Variants in DOCK1 observed in about 807,000 individuals in gnomAD.
The protein encoded by DOCK1 is dedicator of cytokinesis 1, also known as dedicator of cytokinesis protein 1.
DOCK1 carries 138 observed loss-of-function variants against 262.7 expected under a neutral mutation model. The ratio of observed to expected loss-of-function variants is 0.53; its 90% confidence interval spans 0.46 to 0.61. The LOEUF (loss-of-function observed/expected upper bound fraction) is 0.61, where lower values mean the gene tolerates loss of function less well. Ranked by LOEUF, DOCK1 falls within the 20% of genes least tolerant of loss-of-function variation. DOCK1 has a pLI of 0.00. For missense variants in DOCK1, 1,908 were observed against 2,370.7 expected, an observed-to-expected ratio of 0.80 and a Z score of 4.05; for synonymous variants, 866 against 867.4, an observed-to-expected ratio of 1.00 and a Z score of 0.03.
rs756065376 is a variant in DOCK1, at chr10:126,987,479, T to A, written c.228-42T>A. On this transcript the variant is annotated intron_variant, in intron 4 of 51. Transcript: ENST00000623213. ...ACCAGGTACTACTCATAGCAGGCAG[T>A]GAAACCGTGGACTCAGCTGCTCTTT... 39 of 1,513,406 alleles carry A rather than the reference T, an allele frequency of 2.6e-5. 1 individual carries two copies. The South Asian group carries it at 4.6e-4, about 18-fold the overall frequency. The allele number at this position is 1,513,406 out of a possible 1,614,324, so 93.7% of individuals were successfully genotyped here. A position where few individuals can be genotyped will look rare whatever the true frequency, so the allele number is the denominator to read the frequency against.
chr10:127,321,552 C>G (rs2062529040), intron 29 of DOCK1, among the ~76,000 whole-genome samples: 1 of 151,706 alleles, frequency 6.6e-6, no homozygotes, highest in Non-Finnish European at 1.5e-5. Flanking sequence ...CACCTGATCC[C>G]AGACCCCACT....
intron 35 of DOCK1, among the ~76,000 whole-genome samples, chr10:127,377,669 A>T (rs971219247): frequency 6.6e-6 from 1 of 152,040 alleles, no homozygotes; most frequent in Non-Finnish European, 1.5e-5. Context: ...AGGAGGGAGG[A>T]TCACTTGAGG....
rs72834661 is a variant in DOCK1 at position 127,072,125 on chromosome 10, G to A, written c.2445+10349G>A. On this transcript the variant is annotated intron_variant, in intron 23 of 51. Transcript: ENST00000623213. ...CCTGCTGCCAACATGCAAGGTGCCA[G>A]TGAGCCCCTTTCTCCTTCCTCCATC... 2.0e-3 allele frequency among the ~76,000 whole-genome samples: 304 copies of A among 152,336 alleles called. No individual in the cohort carries two copies. The Middle Eastern group carries it at 0.024, about 12-fold the overall frequency.
rs374342932 is a variant in DOCK1 at position 127,175,917 on chromosome 10, C to T, written c.2847+48153C>T. On this transcript the variant is annotated intron_variant, in intron 27 of 51. Transcript: ENST00000623213. This position sits in a 1 kb window ranked among gnomAD's most constrained non-coding sequence, Gnocchi z 6.3. ...GTGCACCCGCCCCGCGCCACATGGC[C>T]GGGCCTCCTCCATGGGTCCAGCCTC... 164 of 1,614,190 alleles carry T rather than the reference C, an allele frequency of 1.0e-4. 1 individual carries two copies. In the Middle Eastern group the frequency reaches 1.2e-3, roughly 11 times the overall value.
At chr10:126,928,099 C>T (rs1591345696) in intron 1 of DOCK1, among the ~76,000 whole-genome samples, 2 of 152,154 alleles carry the variant, frequency 1.3e-5, no homozygotes, top group Non-Finnish European at 2.9e-5. Flanking sequence ...ATCCTAGCCT[C>T]GTGTCGCTCG....
chr10:127,379,475 G>T, intron 35 of DOCK1, among the ~76,000 whole-genome samples: 1 of 152,174 alleles, frequency 6.6e-6, no homozygotes, highest in East Asian at 1.9e-4. Flanking sequence ...TAGACTGTTT[G>T]ATACAGTAGA....
Position 127,347,871 on chromosome 10 carries a change from T to C in DOCK1, c.3224+4125T>C, listed in dbSNP as rs779420708. Among the ~76,000 whole-genome samples, 297 of 32,730 alleles carry C rather than the reference T, an allele frequency of 9.1e-3. 24 individuals carry two copies. The highest frequency in any genetic ancestry group is 0.011 in the Non-Finnish European group (180 of 16,270). The allele number at this position is 32,730 out of a possible 152,430, so 21.5% of individuals were successfully genotyped here. A position where few individuals can be genotyped will look rare whatever the true frequency, so the allele number is the denominator to read the frequency against. On this transcript the variant is annotated intron_variant, in intron 31 of 51. Coordinates refer to ENST00000623213, the MANE Select transcript of DOCK1 (RefSeq NM_001290223.2). ...TCCCTTCCCTTCCCTTCCCTTCCCT[T>C]CCCTTCCCTTCCCATCCCTTCCCTT...
At chr10:127,336,811 T>A (rs551780723) in intron 29 of DOCK1, among the ~76,000 whole-genome samples, 6 of 152,186 alleles carry the variant, frequency 3.9e-5, no homozygotes, top group Non-Finnish European at 8.8e-5. Flanking sequence ...AGTGCTGGGA[T>A]TACAGGCGTG....
Position 126,987,425 on chromosome 10 carries a change from C to T in DOCK1, c.228-96C>T, listed in dbSNP as rs180915297. Reference sequence around the variant, plus strand: ...AGATTTTCTTCCCATTTGCTTAATACTGAACGCTATGGCCTAGATGTGAAA... The same window carrying T: ...AGATTTTCTTCCCATTTGCTTAATATTGAACGCTATGGCCTAGATGTGAAA... On this transcript the variant is annotated intron_variant, in intron 4 of 51. Transcript: ENST00000623213. 1.4e-4 allele frequency: 131 copies of T among 951,782 alleles called. 1 individual carries two copies. In the Admixed American group the frequency reaches 3.2e-3, roughly 23 times the overall value. 59.0% of individuals were successfully genotyped at this position (951,782 alleles called of 1,614,324 possible). A position where few individuals can be genotyped will look rare whatever the true frequency, so the allele number is the denominator to read the frequency against.
At chr10:127,270,785 G>A (rs1318446508) in intron 29 of DOCK1, among the ~76,000 whole-genome samples, 1 of 152,090 alleles carries the variant, frequency 6.6e-6, no homozygotes, top group African/African-American at 2.4e-5. Context: ...CAGTGTTCAT[G>A]TTGCTATGCA....
chr10:126,990,733 T>C, intron 6 of DOCK1, 130 bp downstream of exon 6: 3 of 1,207,754 alleles, frequency 2.5e-6, no homozygotes, highest in Non-Finnish European at 3.4e-6. Flanking sequence ...ATGGCATGTT[T>C]TTCATTTTGA....
chr10:127,394,737 T>C (rs1202092109), intron 38 of DOCK1, among the ~76,000 whole-genome samples: 1 of 152,168 alleles, frequency 6.6e-6, no homozygotes, highest in East Asian at 1.9e-4. Context: ...TCCCTTAGCT[T>C]ATGTGGGATC....
At chr10:127,444,303 C>T (rs553239021) in intron 50 of DOCK1, 24 bp downstream of exon 50, 20 of 1,574,436 alleles carry the variant, frequency 1.3e-5, no homozygotes, top group South Asian at 7.2e-5. Flanking sequence ...TCCCCACATA[C>T]GAATCGTGCT....
At chr10:127,264,321 A>G (rs538875807) in intron 29 of DOCK1, among the ~76,000 whole-genome samples, 14 of 152,254 alleles carry the variant, frequency 9.2e-5, no homozygotes, top group East Asian at 5.8e-4. Context: ...GTGATTATCA[A>G]TCGCTTCCAG....
intron 29 of DOCK1, among the ~76,000 whole-genome samples, chr10:127,328,163 A>G (rs980790446): frequency 2.0e-5 from 3 of 151,080 alleles, no homozygotes; most frequent in Admixed American, 6.6e-5. Context: ...TTTTCAGCCT[A>G]TGGCAAATGA....
intron 47 of DOCK1, among the ~76,000 whole-genome samples, chr10:127,428,834 G>A (rs1236102728): frequency 7.5e-6 from 1 of 133,108 alleles, no homozygotes; most frequent in Non-Finnish European, 1.6e-5. Flanking sequence ...GGTACCGTGT[G>A]GATTGTGCCG....
chr10:127,451,232 C>G, intron 51 of DOCK1, 100 bp from the exon 52 acceptor site: 2 of 1,342,968 alleles, frequency 1.5e-6, no homozygotes, highest in South Asian at 2.5e-5. Flanking sequence ...AGGATGGTTC[C>G]GGCTGAGTGG....
chr10:127,119,075 G>C (rs7908697), intron 25 of DOCK1, among the ~76,000 whole-genome samples: 1 of 148,224 alleles, frequency 6.7e-6, no homozygotes, highest in African/African-American at 2.5e-5. Flanking sequence ...ACGGAGTCTC[G>C]CTCTGTCACC....
chr10:127,039,837 G>T (rs2043900771), intron 19 of DOCK1, among the ~76,000 whole-genome samples: 1 of 152,326 alleles, frequency 6.6e-6, no homozygotes, highest in Middle Eastern at 3.4e-3. Context: ...AGGTATTTGT[G>T]TATTTAGCAA....
Sources: allele counts gnomAD v4.1 joint callset (sites outside exome capture counted in the v4.1 genomes callset), GRCh38; gene constraint gnomAD v4.1.1; non-coding constraint Gnocchi (gnomAD v3.1); transcripts MANE v1.5; gene names NCBI Gene and HGNC (gene_info 2026-07-23, HGNC 2026-07-21).